CFAP43: variants seen among roughly 807,000 people sequenced by gnomAD.
CFAP43 encodes the protein cilia- and flagella-associated protein 43.
In CFAP43, 155 loss-of-function variants were observed where a neutral mutation model predicts 218.9. The observed-to-expected ratio is 0.71, with a 90% CI of 0.62 to 0.81. The LOEUF (loss-of-function observed/expected upper bound fraction) is 0.81, where lower values mean the gene tolerates loss of function less well. Among genes scored for constraint, CFAP43 ranks in the 30% least tolerant of loss-of-function variants. The pLI, the probability that CFAP43 is intolerant of heterozygous loss-of-function variation, is 0.00. For synonymous variants in CFAP43, 645 were observed against 681.3 expected (o/e 0.95, Z 0.83); for missense variants, 1,778 against 1,954.3 (o/e 0.91, Z 1.70).
At chr10:104,190,702 T>A (rs1006324987) in intron 12 of CFAP43, among the ~76,000 whole-genome samples, 37 of 152,168 alleles carry the variant, frequency 2.4e-4, no homozygotes, top group Admixed American at 2.0e-3. Context: ...AATTTTGGAG[T>A]CATCACTTAT....
rs1564703475 is a variant in CFAP43, at chr10:104,132,139, G to C, written c.4654C>G (p.Gln1552Glu). 1 of 1,604,872 alleles carries C rather than the reference G, an allele frequency of 6.2e-7. No individual in the cohort carries two copies. The highest frequency in any genetic ancestry group is 8.5e-7 in the Non-Finnish European group (1 of 1,176,284). ...LISIQIGIME[Q>E]TIAVLDKMHK... ...ACCTTATCTAAAACAGCAATGGTTT[G>C]TTCCATTATTCCAATCTGAATACTA... is the stretch of plus-strand genomic sequence containing the variant. The change falls in exon 36 of 38, where the codon CAA (glutamine) becomes GAA (glutamate). Residue 1552 changes from glutamine (Q) to glutamate (E), a missense_variant. Physicochemically the swap from Gln to Glu is conservative, Grantham distance 29. This residue lies in a region of CFAP43 where 211 missense variants were observed against 230.6 expected (regional missense o/e 0.91). Coordinates refer to ENST00000357060, the MANE Select transcript of CFAP43 (RefSeq NM_025145.7).
At chr10:104,172,648 C>T in intron 19 of CFAP43, 113 bp from the exon 20 acceptor site, 1 of 889,546 alleles carries the variant, frequency 1.1e-6, no homozygotes, top group Non-Finnish European at 1.6e-6. Context: ...TTCTATTTAT[C>T]AAAATGTACT....
intron 3 of CFAP43, chr10:104,218,821 A>G (rs746859483): frequency 9.2e-6 from 5 of 544,866 alleles, no homozygotes; most frequent in Admixed American, 7.8e-5. Flanking sequence ...TGTTGCCCTC[A>G]TCTCTACTAT....
In CFAP43 at chr10:104,179,901, T is replaced by C; in HGVS notation, c.2321A>G (p.Asp774Gly). 1.2e-6 allele frequency: 2 copies of C among 1,613,848 alleles called. No individual in the cohort carries two copies. Among genetic ancestry groups the C allele is most frequent in the Non-Finnish European group, 1.7e-6 (2 of 1,179,912 alleles). The change falls in exon 18 of 38, where the codon GAT (aspartate) becomes GGT (glycine). Residue 774 changes from aspartate to glycine, a missense_variant. Physicochemically the swap from Asp to Gly is moderately conservative, Grantham distance 94 (BLOSUM62 -1). Around this residue, in one of 3 missense-constraint regions of CFAP43, gnomAD observed 1,553 missense variants for 1,685.2 expected, o/e 0.92. Coordinates refer to ENST00000357060, the MANE Select transcript of CFAP43 (RefSeq NM_025145.7). ...KQKASTDLSQDELVLTDVKKE... is the reference protein window; with the variant it reads ...KQKASTDLSQGELVLTDVKKE... Reference sequence around the variant, plus strand: ...CTTAACATCGGTTAGAACTAATTCATCTTGTGATAAGTCAGTGCTTGCCTT... The same window carrying C: ...CTTAACATCGGTTAGAACTAATTCACCTTGTGATAAGTCAGTGCTTGCCTT...
intron 5 of CFAP43, 40 bp downstream of exon 5, chr10:104,211,967 C>T (rs774090783): frequency 6.3e-7 from 1 of 1,598,912 alleles, no homozygotes; most frequent in South Asian, 1.1e-5. Context: ...TCCTAGACCT[C>T]AACCCATTAG....
At chr10:104,159,159 C>T (rs1386795641) in intron 27 of CFAP43, among the ~76,000 whole-genome samples, 6 of 151,716 alleles carry the variant, frequency 4.0e-5, no homozygotes, top group South Asian at 2.1e-4. Context: ...ACATTTTCCA[C>T]GATACAAGAT....
At chr10:104,177,890 A>C (rs958534800) in intron 19 of CFAP43, among the ~76,000 whole-genome samples, 1 of 152,222 alleles carries the variant, frequency 6.6e-6, no homozygotes, top group Non-Finnish European at 1.5e-5. Context: ...AATGTAGGAT[A>C]ATCACATTTT....
chr10:104,174,742 G>T (rs2089547415), intron 19 of CFAP43, among the ~76,000 whole-genome samples: 1 of 151,992 alleles, frequency 6.6e-6, no homozygotes, highest in Non-Finnish European at 1.5e-5. Context: ...ATACACATAT[G>T]TAAGTATTAT....
intron 4 of CFAP43, 70 bp from the exon 5 acceptor site, chr10:104,212,227 C>G (rs771059088): frequency 1.9e-5 from 28 of 1,494,726 alleles, no homozygotes; most frequent in Middle Eastern, 1.8e-4. Context: ...CACTGCATAT[C>G]AGTTTAAGTG....
At chr10:104,203,000 A>T (rs924009177) in intron 8 of CFAP43, among the ~76,000 whole-genome samples, 1 of 152,182 alleles carries the variant, frequency 6.6e-6, no homozygotes, top group Non-Finnish European at 1.5e-5. Flanking sequence ...ATTAATTAGG[A>T]ATCTTCCTAG....
chr10:104,198,758 C>G (rs1364507566), intron 8 of CFAP43, among the ~76,000 whole-genome samples: 1 of 152,048 alleles, frequency 6.6e-6, no homozygotes, highest in Admixed American at 6.6e-5. Context: ...TCAAGAGATT[C>G]TCCTGCCTCA....
At chr10:104,209,351 A>G (rs1438699331) in intron 5 of CFAP43, among the ~76,000 whole-genome samples, 2 of 152,234 alleles carry the variant, frequency 1.3e-5, no homozygotes, top group Non-Finnish European at 1.5e-5. Flanking sequence ...ATAATATTAC[A>G]TTTCTGCTTT....
At chr10:104,203,611 T>A in intron 8 of CFAP43, 61 bp downstream of exon 8, 1 of 1,478,632 alleles carries the variant, frequency 6.8e-7, no homozygotes, top group South Asian at 1.4e-5. Flanking sequence ...ATTCCTGTCA[T>A]GTAATGATGA....
chr10:104,182,594 A>G (rs2089889385), intron 16 of CFAP43, 81 bp from the exon 17 acceptor site: 5 of 1,320,202 alleles, frequency 3.8e-6, no homozygotes, highest in Non-Finnish European at 4.9e-6. Context: ...ATTTTCAGGT[A>G]ACTAACCATT....
rs569165293 is a variant in CFAP43, at chr10:104,186,906, G to A, written c.1860+414C>T. 2.6e-5 allele frequency among the ~76,000 whole-genome samples: 4 copies of A among 152,262 alleles called. No individual in the cohort carries two copies. In the East Asian group the frequency reaches 7.7e-4, roughly 29 times the overall value. On this transcript the variant is annotated intron_variant, in intron 14 of 37. Transcript: ENST00000357060. ...AATGCATGAGAAGTCTGAAGAGAGT[G>A]TAATGAAAAAATGTCAGAAACACAG...
Position 104,186,079 on chromosome 10 carries a change from T to G in CFAP43, c.1905A>C (p.Gln635His). 1 of 1,573,434 alleles carries G rather than the reference T, an allele frequency of 6.4e-7. No individual in the cohort carries two copies. The highest frequency in any genetic ancestry group is 8.6e-7 in the Non-Finnish European group (1 of 1,166,140). The change falls in exon 15 of 38, where the codon CAA (glutamine) becomes CAC (histidine). Residue 635 changes from glutamine to histidine, a missense_variant. Gln to His is a conservative substitution (Grantham distance 24). Transcript: ENST00000357060. ...GCAGTCCAGGTCCATACTGTCTGCTTTGTACTTTTTTGTATGGTTTAAGAA... is the reference window on the plus strand; with the variant it reads ...GCAGTCCAGGTCCATACTGTCTGCTGTGTACTTTTTTGTATGGTTTAAGAA... The part of the protein sequence containing the change: ...IYILKPYKKV[Q>H]SRQYGPGLLY...
chr10:104,194,069 TA>T, intron 10 of CFAP43, 55 bp from the exon 11 acceptor site: 1 of 1,589,792 alleles, frequency 6.3e-7, no homozygotes, highest in Non-Finnish European at 8.5e-7. Context: ...CTCCTACACG[TA>T]AGAATGCTAT....
chr10:104,169,088 GTACCTC>G (rs63360660), intron 20 of CFAP43, among the ~76,000 whole-genome samples: 62,296 of 151,420 alleles, frequency 0.41, 13,759 homozygotes, highest in African/African-American at 0.6. Flanking sequence ...AGGACACACA[GTACCTC>G]TACCTCTAAG....
chr10:104,160,365 G>C (rs1377752806), intron 27 of CFAP43, among the ~76,000 whole-genome samples: 1 of 152,226 alleles, frequency 6.6e-6, no homozygotes, highest in Non-Finnish European at 1.5e-5. Flanking sequence ...CAGATTCAAA[G>C]AAGCTCTTCA....
Sources: gnomAD v4.1 joint callset for allele counts (sites outside exome capture counted in the v4.1 genomes callset) on GRCh38, gnomAD v4.1.1 for gene constraint, gnomAD v4.1.1 regional missense constraint, MANE v1.5 for transcripts, NCBI Gene and HGNC (gene_info 2026-07-23, HGNC 2026-07-21) for gene names.